Variants in LSP1 observed in about 807,000 individuals in gnomAD.
LSP1 encodes lymphocyte specific protein 1, also known as lymphocyte-specific protein 1.
Under a neutral mutation model 49.3 loss-of-function variants are expected in LSP1, and 32 were observed. The ratio of observed to expected loss-of-function variants is 0.65; its 90% CI spans 0.49 to 0.87. LSP1 has a LOEUF of 0.87. Among genes scored for constraint, LSP1 ranks in the 40% least tolerant of loss-of-function variants. LSP1 has a pLI of 0.00. For missense variants in LSP1, 428 were observed against 442.6 expected, an observed-to-expected ratio of 0.97 and a Z score of 0.30; for synonymous variants, 179 against 178.8, an observed-to-expected ratio of 1.00 and a Z score of -0.01.
chr11:1,857,580 G>A lies in LSP1; in HGVS notation c.53+4383G>A, dbSNP rs572187558. Among the ~76,000 whole-genome samples the A allele has an allele frequency of 7.9e-5, 12 of 152,308 alleles. No individual in the cohort carries two copies. In the South Asian group the frequency reaches 1.2e-3, roughly 16 times the overall value. On this transcript the variant is annotated intron_variant, in intron 1 of 10. Transcript: ENST00000311604. ...CCTGAGATCCCACTGCTGGGGCGGC[G>A]GGAGGGGGATGGGCTGCAAGGCCCC...
At chr11:1,866,631 G>C (rs904377789) in intron 1 of LSP1, 17 of 1,550,136 alleles carry the variant, frequency 1.1e-5, no homozygotes, top group Non-Finnish European at 1.5e-5. Flanking sequence ...TGGGCTTCCA[G>C]GCTCTGCTGG....
chr11:1,881,367 A>T, intron 2 of LSP1, 65 bp from the exon 3 acceptor site: 1 of 1,447,318 alleles, frequency 6.9e-7, no homozygotes, highest in Non-Finnish European at 9.2e-7. Flanking sequence ...CCGTGAGGTG[A>T]GTGTGGGCCC....
In LSP1 at chr11:1,853,196, G is replaced by A; in HGVS notation, c.52G>A (p.Gly18Arg). ...TGCCGAGGAGCGGGAAGAGTTGCTG[G>A]GGTAAGGGTCTGCGGCGACGCCCGG... ...PGAEEREELL[G>R]PTAQWSVEDE... Residue 18 changes from glycine to arginine, a missense_variant and splice_region_variant, in exon 1 of 11, where the codon GGG (glycine) becomes AGG (arginine). Physicochemically the swap from Gly to Arg is moderately radical, Grantham distance 125 (BLOSUM62 -2). Transcript: ENST00000311604. The A allele has an allele frequency of 6.2e-7, 1 of 1,610,258 alleles. No homozygotes were observed.
At chr11:1,889,973 TCCC>T (rs1268163768) in intron 10 of LSP1, 2 of 632,062 alleles carry the variant, frequency 3.2e-6, no homozygotes, top group African/African-American at 3.7e-5. Flanking sequence ...GGCTGTTGGA[TCCC>T]ACTTCTGGGG....
At chr11:1,857,785 C>G (rs936160054) in intron 1 of LSP1, among the ~76,000 whole-genome samples, 1 of 152,186 alleles carries the variant, frequency 6.6e-6, no homozygotes, top group Non-Finnish European at 1.5e-5. Context: ...GACAGAGTCT[C>G]GCTCTGTTGC....
chr11:1,860,789 A>T (rs1312651111), intron 1 of LSP1, among the ~76,000 whole-genome samples: 2 of 152,126 alleles, frequency 1.3e-5, no homozygotes, highest in East Asian at 3.9e-4. Flanking sequence ...TGATGGATGA[A>T]TGGGTGTATA....
rs1233594914 is a variant in LSP1, at chr11:1,871,313, C to G, written c.54-8774C>G. ...CAGGGCGGGGCCCTAACCTCCGACCCAGGCTGGTCGCCGCAGATGGGGGCA... is the reference window on the plus strand; with the variant it reads ...CAGGGCGGGGCCCTAACCTCCGACCGAGGCTGGTCGCCGCAGATGGGGGCA... On this transcript the variant is annotated intron_variant, in intron 1 of 10. Transcript: ENST00000311604. 8 of 986,202 alleles carry G rather than the reference C, an allele frequency of 8.1e-6. No individual in the cohort carries two copies. In the East Asian group the frequency reaches 9.0e-4, roughly 111 times the overall value. The allele number at this position is 986,202 out of a possible 1,614,324, so 61.1% of individuals were successfully genotyped here.
At chr11:1,854,486 C>T (rs867865749) in intron 1 of LSP1, among the ~76,000 whole-genome samples, 5 of 152,160 alleles carry the variant, frequency 3.3e-5, no homozygotes, top group African/African-American at 7.2e-5. Context: ...CCTTGGTGGC[C>T]GTCACATTGC....
chr11:1,854,844 C>G (rs1847448374), intron 1 of LSP1, among the ~76,000 whole-genome samples: 1 of 152,206 alleles, frequency 6.6e-6, no homozygotes, highest in Non-Finnish European at 1.5e-5. Context: ...ACATGAGCCT[C>G]TGGGCTGGGG....
intron 1 of LSP1, chr11:1,871,162 C>G (rs1235589552): frequency 1.0e-6 from 1 of 985,418 alleles, no homozygotes; most frequent in Non-Finnish European, 1.2e-6. Context: ...GTTAGTGACA[C>G]GGAGGAAGAC....
chr11:1,854,630 G>T (rs1296811575), intron 1 of LSP1, among the ~76,000 whole-genome samples: 1 of 152,230 alleles, frequency 6.6e-6, no homozygotes, highest in African/African-American at 2.4e-5. Flanking sequence ...AGAGGCCGGG[G>T]CTGGCTGAGG....
intron 1 of LSP1, among the ~76,000 whole-genome samples, chr11:1,877,351 G>C (rs1400353926): frequency 6.6e-6 from 1 of 152,174 alleles, no homozygotes; most frequent in Non-Finnish European, 1.5e-5. Flanking sequence ...CAGGCTGCTG[G>C]GTCAGAGGCC....
chr11:1,887,788 T>A (rs1211314733), intron 10 of LSP1, among the ~76,000 whole-genome samples: 1 of 152,016 alleles, frequency 6.6e-6, no homozygotes, highest in Non-Finnish European at 1.5e-5. Flanking sequence ...CTCATTTCAC[T>A]AGAGTCAGCC....
rs1388547321 is a variant in LSP1, at chr11:1,887,583, C to T, written c.*13+7C>T. 1 of 1,605,034 alleles carries T rather than the reference C, an allele frequency of 6.2e-7. No homozygotes were observed. Among genetic ancestry groups the T allele is most frequent in the African/African-American group, 1.3e-5 (1 of 74,340 alleles). ...CCCTAGGCGTCCCATCTCGGTGAGT[C>T]CCTGGCAACTCACAGAAGGGGATGA... On this transcript the variant is annotated splice_region_variant and intron_variant, in intron 10 of 10. Coordinates refer to ENST00000311604, the MANE Select transcript of LSP1 (RefSeq NM_002339.3).
Position 1,876,444 on chromosome 11 carries a change from C to G in LSP1, c.54-3643C>G, listed in dbSNP as rs534654470. 8 of 985,506 alleles carry G rather than the reference C, an allele frequency of 8.1e-6. No homozygotes were observed. The African/African-American group carries it at 8.7e-5, about 11-fold the overall frequency. 61.0% of individuals were successfully genotyped at this position (985,506 alleles called of 1,614,324 possible). On this transcript the variant is annotated intron_variant, in intron 1 of 10. Transcript: ENST00000311604. Reference sequence around the variant, plus strand: ...CTGGAGGAGAAGCTCCCCCTCCCCTCGACATCCTCCCCGCAGCCCTTGCTC... The same window carrying G: ...CTGGAGGAGAAGCTCCCCCTCCCCTGGACATCCTCCCCGCAGCCCTTGCTC...
In LSP1 at chr11:1,881,559, C is replaced by A. The variant is rs747742064; in HGVS notation, c.319C>A (p.Pro107Thr). The stretch of plus-strand genomic sequence containing the variant: ...GGGCGCCTTGGACAGCGGAGAGCCC[C>A]CCCAGTGCAGGAGTCCTGAGGGGGA... ...AQGALDSGEP[P>T]QCRSPEGEQE... Residue 107 changes from proline (P) to threonine (T), a missense_variant, in exon 3 of 11, where the codon CCC becomes ACC. By Grantham distance (38) the Pro-to-Thr change is conservative (BLOSUM62 -1). Transcript: ENST00000311604. 1 of 1,538,780 alleles carries A rather than the reference C, an allele frequency of 6.5e-7. No homozygotes were observed. The highest frequency in any genetic ancestry group is 1.4e-5 in the African/African-American group (1 of 72,768).
intron 2 of LSP1, 45 bp from the exon 3 acceptor site, chr11:1,881,387 G>C (rs779523579): frequency 6.6e-6 from 10 of 1,515,058 alleles, no homozygotes; most frequent in Non-Finnish European, 8.9e-6. Context: ...CTGGGCAGAG[G>C]AGGCAGCAGC....
chr11:1,871,421 C>G lies in LSP1; in HGVS notation c.54-8666C>G, dbSNP rs984098208. ...AGAGCACATCAAAAGAGGTAGGGCA[C>G]CCAGCGCAAGGGAGGTGATGGGCTG... On this transcript the variant is annotated intron_variant, in intron 1 of 10. Coordinates refer to ENST00000311604, the MANE Select transcript of LSP1 (RefSeq NM_002339.3). The G allele has an allele frequency of 5.0e-5, 49 of 986,234 alleles. No individual in the cohort carries two copies. The African/African-American group carries it at 5.9e-4, about 12-fold the overall frequency. 61.1% of individuals were successfully genotyped at this position (986,234 alleles called of 1,614,324 possible). A position where few individuals can be genotyped will look rare whatever the true frequency, so the allele number is the denominator to read the frequency against.
chr11:1,879,340 C>T (rs1195815572), intron 1 of LSP1, among the ~76,000 whole-genome samples: 2 of 152,114 alleles, frequency 1.3e-5, no homozygotes, highest in Non-Finnish European at 2.9e-5. Flanking sequence ...AGTGAAACTC[C>T]GTCTCAAACA....
Sources: allele counts gnomAD v4.1 joint callset (sites outside exome capture counted in the v4.1 genomes callset), GRCh38; gene constraint gnomAD v4.1.1; transcripts MANE v1.5; gene names NCBI Gene and HGNC (gene_info 2026-07-23, HGNC 2026-07-21).